COL26A1: variants seen among roughly 807,000 people sequenced by gnomAD.
COL26A1 encodes the protein collagen alpha-1(XXVI) chain.
COL26A1 carries 41 observed loss-of-function variants against 59.3 expected under a neutral mutation model. The ratio of observed to expected loss-of-function variants is 0.69; its 90% CI spans 0.54 to 0.90. The LOEUF is 0.90. Among genes scored for constraint, COL26A1 ranks in the 40% least tolerant of loss-of-function variants. The probability of loss-of-function intolerance (pLI) is 0.00; values close to 1 mark genes in which losing one functional copy is unlikely to be tolerated. For missense variants in COL26A1, 612 were observed against 602.3 expected (o/e 1.02, Z -0.17); for synonymous variants, 266 against 256.0 (o/e 1.04, Z -0.37).
intron 1 of COL26A1, among the ~76,000 whole-genome samples, chr7:101,403,951 C>T (rs772751405): frequency 8.6e-5 from 13 of 151,908 alleles, no homozygotes; most frequent in Non-Finnish European, 1.6e-4. Flanking sequence ...TAAAATTTGC[C>T]GGTGTGCTGG....
chr7:101,486,531 T>C (rs1233051653), intron 3 of COL26A1, among the ~76,000 whole-genome samples: 1 of 152,230 alleles, frequency 6.6e-6, no homozygotes, highest in Non-Finnish European at 1.5e-5. Flanking sequence ...GCCCTGGCCC[T>C]GCCGTCAGCA....
At chr7:101,437,356 G>A (rs1357617765) in intron 2 of COL26A1, among the ~76,000 whole-genome samples, 1 of 151,726 alleles carries the variant, frequency 6.6e-6, no homozygotes, top group Non-Finnish European at 1.5e-5. Flanking sequence ...TGCACACAGG[G>A]CCAGTGGAGT....
intron 3 of COL26A1, among the ~76,000 whole-genome samples, chr7:101,494,647 G>T (rs536451373): frequency 1.6e-4 from 24 of 152,362 alleles, no homozygotes; most frequent in African/African-American, 5.8e-4. Flanking sequence ...TTTGCACATT[G>T]CAGACAAGCT....
intron 1 of COL26A1, among the ~76,000 whole-genome samples, chr7:101,363,638 G>C (rs1303480426): frequency 2.0e-5 from 3 of 149,852 alleles, no homozygotes; most frequent in South Asian, 4.3e-4. Context: ...GGTTGCGGGG[G>C]CTGAAGGTTC....
chr7:101,497,418 C>T lies in COL26A1; in HGVS notation c.386-35664C>T, dbSNP rs568712499. ...GGCCACATGCAGTGGCTCATGCCTG[C>T]AATCCCAGCACTTTGGAAGGTCAAG... is the stretch of plus-strand genomic sequence containing the variant. On this transcript the variant is annotated intron_variant, in intron 3 of 12. Transcript: ENST00000313669. Among the ~76,000 whole-genome samples the T allele has an allele frequency of 2.0e-5, 3 of 151,690 alleles. No homozygotes were observed. The South Asian group carries it at 6.3e-4, about 32-fold the overall frequency.
chr7:101,481,195 T>A (rs1420165814), intron 3 of COL26A1, among the ~76,000 whole-genome samples: 1 of 152,144 alleles, frequency 6.6e-6, no homozygotes, highest in Admixed American at 6.6e-5. Flanking sequence ...AAATCTTTCA[T>A]GGAAGGTTGT....
chr7:101,553,312 G>T lies in COL26A1; in HGVS notation c.1030-14G>T. The T allele has an allele frequency of 6.2e-7, 1 of 1,613,448 alleles. No individual in the cohort carries two copies. Among genetic ancestry groups the T allele is most frequent in the Non-Finnish European group, 8.5e-7 (1 of 1,179,500 alleles). ...CCTCCCGTTCCAGTGTTGACTGTGT[G>T]ACTTGCTTCTTAGGGTGAACCTGGC... On this transcript the variant is annotated splice_polypyrimidine_tract_variant and intron_variant, in intron 10 of 12. Transcript: ENST00000313669.
chr7:101,514,198 C>T (rs1382551884), intron 3 of COL26A1, among the ~76,000 whole-genome samples: 1 of 151,696 alleles, frequency 6.6e-6, no homozygotes, highest in African/African-American at 2.4e-5. Flanking sequence ...ATTAGCCGGG[C>T]GTGGTGGCGG....
chr7:101,380,111 C>T (rs1056224508), intron 1 of COL26A1, among the ~76,000 whole-genome samples: 1 of 152,012 alleles, frequency 6.6e-6, no homozygotes, highest in African/African-American at 2.4e-5. Context: ...TCTGCCTCAG[C>T]ATCCCGAGTA....
At chr7:101,475,890 T>TTCTCTC (rs1794031571) in intron 3 of COL26A1, among the ~76,000 whole-genome samples, 1 of 136,790 alleles carries the variant, frequency 7.3e-6, no homozygotes, top group Admixed American at 7.2e-5. Flanking sequence ...TTCTCTCTCT[T>TTCTCTC]TCTTTCTCTC....
At chr7:101,491,409 T>C (rs1406017017) in intron 3 of COL26A1, among the ~76,000 whole-genome samples, 1 of 152,086 alleles carries the variant, frequency 6.6e-6, no homozygotes. Flanking sequence ...GGGGTCCCAA[T>C]AGAGACCCCA....
intron 10 of COL26A1, 87 bp downstream of exon 10, chr7:101,551,230 T>A (rs944255074): frequency 8.8e-6 from 1 of 113,778 alleles, no homozygotes; most frequent in Non-Finnish European, 1.6e-5. Context: ...CGGGGGTTGG[T>A]GGGGGGGTTC....
chr7:101,550,655 A>G (rs111597769), intron 9 of COL26A1, among the ~76,000 whole-genome samples: 10,745 of 151,934 alleles, frequency 0.071, 1,271 homozygotes, highest in African/African-American at 0.25. Flanking sequence ...GGGCACCAGG[A>G]GTTCCCTTTG....
At chr7:101,473,800 A>C (rs1793968913) in intron 3 of COL26A1, among the ~76,000 whole-genome samples, 1 of 152,064 alleles carries the variant, frequency 6.6e-6, no homozygotes, top group Non-Finnish European at 1.5e-5. Flanking sequence ...GCTGCAGTGA[A>C]CTATGATTAT....
chr7:101,397,635 C>T (rs536034157), intron 1 of COL26A1, among the ~76,000 whole-genome samples: 83 of 150,942 alleles, frequency 5.5e-4, no homozygotes, highest in Non-Finnish European at 1.1e-3. Flanking sequence ...CTCCTGGGCT[C>T]AAGTGATCTT....
Position 101,461,093 on chromosome 7 carries a change from A to C in COL26A1, c.385+13306A>C, listed in dbSNP as rs917455389. On this transcript the variant is annotated intron_variant, in intron 3 of 12. Transcript: ENST00000313669. ...TGGGCTCAAGTGATCCTCCTTCCTC[A>C]GCCTCCCAAGTAGCTGGGACCACAG... is the stretch of plus-strand genomic sequence containing the variant. Among the ~76,000 whole-genome samples the C allele has an allele frequency of 2.0e-5, 3 of 152,188 alleles. No homozygotes were observed. In the East Asian group the frequency reaches 5.8e-4, roughly 29 times the overall value.
intron 7 of COL26A1, among the ~76,000 whole-genome samples, chr7:101,545,858 A>G (rs187608410): frequency 1.8e-3 from 275 of 152,320 alleles, no homozygotes; most frequent in Non-Finnish European, 2.9e-3. Flanking sequence ...GACTTGGCCC[A>G]GATTCCCTAC....
At chr7:101,391,846 T>G (rs1047591161) in intron 1 of COL26A1, among the ~76,000 whole-genome samples, 1 of 149,920 alleles carries the variant, frequency 6.7e-6, no homozygotes, top group Admixed American at 6.7e-5. Flanking sequence ...TGAGCCACCA[T>G]GCCAAGCCTT....
intron 3 of COL26A1, among the ~76,000 whole-genome samples, chr7:101,504,222 T>G (rs977228388): frequency 5.3e-5 from 8 of 152,134 alleles, no homozygotes; most frequent in Admixed American, 6.5e-5. Context: ...TGTCTCAGCC[T>G]CCTGAGCAGC....
Sources: allele counts gnomAD v4.1 joint callset (sites outside exome capture counted in the v4.1 genomes callset), GRCh38; gene constraint gnomAD v4.1.1; transcripts MANE v1.5; gene names NCBI Gene and HGNC (gene_info 2026-07-23, HGNC 2026-07-21).